The following TRPS1 variants were observed in gnomAD, a reference collection of about 807,000 sequenced individuals.
The protein encoded by TRPS1 is zinc finger transcription factor Trps1.
Under a neutral mutation model 101.2 loss-of-function variants are expected in TRPS1, and 6 were observed. The observed-to-expected ratio is 0.06, with a 90% CI of 0.03 to 0.12. TRPS1 has a LOEUF of 0.12. Ranked by LOEUF, TRPS1 falls within the 10% of genes least tolerant of loss-of-function variation. TRPS1 has a pLI of 1.00. For missense variants in TRPS1, 1,363 were observed against 1,567.0 expected (o/e 0.87, Z 2.20); for synonymous variants, 578 against 589.8 (o/e 0.98, Z 0.29).
In TRPS1 at chr8:115,418,870, A is replaced by T. The variant is rs1167109981; in HGVS notation, c.2701-418T>A. ...AGCTTTAAAATATAGTCAAGTTTGG[A>T]ATAAATGTAAATCATTTAAAATTAA... On this transcript the variant is annotated intron_variant, in intron 5 of 6. Coordinates refer to ENST00000395715, the MANE Select transcript of TRPS1 (RefSeq NM_014112.5). This position sits in a 1 kb window ranked among gnomAD's most constrained non-coding sequence, Gnocchi z 4.3. Among the ~76,000 whole-genome samples, 3 of 152,230 alleles carry T rather than the reference A, an allele frequency of 2.0e-5. No homozygotes were observed. The highest frequency in any genetic ancestry group is 6.5e-5 in the Admixed American group (1 of 15,286).
intron 4 of TRPS1, among the ~76,000 whole-genome samples, chr8:115,599,148 CT>C (rs1817852810): frequency 6.6e-6 from 1 of 152,046 alleles, no homozygotes; most frequent in African/African-American, 2.4e-5. Flanking sequence ...TACTAAATGT[CT>C]TTGATATTTT....
At chr8:115,666,600 C>G (rs923948191) in intron 1 of TRPS1, among the ~76,000 whole-genome samples, 4 of 152,164 alleles carry the variant, frequency 2.6e-5, no homozygotes, top group Admixed American at 6.5e-5. Flanking sequence ...CCTCTGCTGT[C>G]CCTTGCATTT....
At position 115,585,894 on chromosome 8, in the gene TRPS1, G is replaced by C. The variant is rs375707869; in HGVS notation, c.2700+1107C>G. Among the ~76,000 whole-genome samples the C allele has an allele frequency of 1.5e-3, 232 of 152,232 alleles. 9 individuals carry two copies. In the South Asian group the frequency reaches 0.044, roughly 29 times the overall value. Reference sequence around the variant, plus strand: ...TATAATTAACTGTGCACCTCTAAGGGGCGTTTTTCAACTCCGCTAGAGAAT... The same window carrying C: ...TATAATTAACTGTGCACCTCTAAGGCGCGTTTTTCAACTCCGCTAGAGAAT... On this transcript the variant is annotated intron_variant, in intron 5 of 6. Coordinates refer to ENST00000395715, the MANE Select transcript of TRPS1 (RefSeq NM_014112.5).
chr8:115,667,990 G>A, intron 1 of TRPS1: 1 of 1,252,948 alleles, frequency 8.0e-7, no homozygotes, highest in Non-Finnish European at 1.1e-6. Flanking sequence ...CCTCCGCTGC[G>A]CCCGGTAGGA....
At chr8:115,583,012 CTTCCGTAT>C (rs1817486129) in intron 5 of TRPS1, among the ~76,000 whole-genome samples, 1 of 152,128 alleles carries the variant, frequency 6.6e-6, no homozygotes, top group Non-Finnish European at 1.5e-5. Context: ...CTTAACTGTA[CTTCCGTAT>C]TTTATTAACA....
At chr8:115,485,355 C>T (rs1009144913) in intron 5 of TRPS1, among the ~76,000 whole-genome samples, 1 of 152,316 alleles carries the variant, frequency 6.6e-6, no homozygotes, top group Admixed American at 6.5e-5. Flanking sequence ...CAGATGAGAA[C>T]CACGGCCCAG....
intron 5 of TRPS1, among the ~76,000 whole-genome samples, chr8:115,463,805 G>A (rs1269636728): frequency 6.6e-6 from 1 of 151,826 alleles, no homozygotes; most frequent in East Asian, 1.9e-4. Context: ...ATTTCAGAGG[G>A]CACACCTTTC....
At chr8:115,509,257 A>G (rs920670925) in intron 5 of TRPS1, among the ~76,000 whole-genome samples, 23 of 152,086 alleles carry the variant, frequency 1.5e-4, no homozygotes, top group African/African-American at 3.4e-4. Context: ...GACCTATTCC[A>G]GGCAAAGCTG....
At chr8:115,428,594 A>C (rs533915906) in intron 5 of TRPS1, among the ~76,000 whole-genome samples, 1 of 152,240 alleles carries the variant, frequency 6.6e-6, no homozygotes, top group Non-Finnish European at 1.5e-5. Flanking sequence ...AAAAGAGTTA[A>C]TGACAAACTA....
intron 5 of TRPS1, among the ~76,000 whole-genome samples, chr8:115,482,389 ATAAG>A (rs1182147357): frequency 3.3e-5 from 5 of 152,054 alleles, no homozygotes; most frequent in Non-Finnish European, 5.9e-5. Flanking sequence ...TCTTACAGTT[ATAAG>A]TAAGTAAATT....
chr8:115,624,987 C>T (rs1818474261), intron 1 of TRPS1, among the ~76,000 whole-genome samples: 1 of 151,640 alleles, frequency 6.6e-6, no homozygotes, highest in African/African-American at 2.4e-5. Context: ...CATTTAATGA[C>T]ATATTTACTC....
chr8:115,424,072 T>C (rs1437469026), intron 5 of TRPS1, among the ~76,000 whole-genome samples: 7 of 152,218 alleles, frequency 4.6e-5, no homozygotes, highest in Admixed American at 2.6e-4. Context: ...GAAGAAATGA[T>C]CTTTTACAAT....
At chr8:115,589,617 A>T (rs1250783820) in intron 4 of TRPS1, among the ~76,000 whole-genome samples, 1 of 152,258 alleles carries the variant, frequency 6.6e-6, no homozygotes, top group African/African-American at 2.4e-5. Context: ...TGACCATAAA[A>T]GCACAATAGT....
At chr8:115,500,747 T>C (rs996861061) in intron 5 of TRPS1, among the ~76,000 whole-genome samples, 6 of 151,880 alleles carry the variant, frequency 4.0e-5, no homozygotes, top group Admixed American at 2.0e-4. Context: ...TTTTTTTGTG[T>C]GTGTTTTTAG....
At chr8:115,472,010 G>T (rs1162629172) in intron 5 of TRPS1, among the ~76,000 whole-genome samples, 1 of 152,182 alleles carries the variant, frequency 6.6e-6, no homozygotes, top group Admixed American at 6.5e-5. Flanking sequence ...CTAGGCAACT[G>T]GTGCAAGCTG....
intron 5 of TRPS1, among the ~76,000 whole-genome samples, chr8:115,460,432 A>G (rs1391841774): frequency 6.6e-6 from 1 of 152,164 alleles, no homozygotes; most frequent in Non-Finnish European, 1.5e-5. Flanking sequence ...GAGTTAAAAC[A>G]AAAAATCAGG....
intron 4 of TRPS1, among the ~76,000 whole-genome samples, chr8:115,594,817 A>C (rs1817752127): frequency 6.6e-6 from 1 of 151,818 alleles, no homozygotes; most frequent in African/African-American, 2.4e-5. Flanking sequence ...AAAAGATGCT[A>C]CTCCTTTACT....
intron 5 of TRPS1, among the ~76,000 whole-genome samples, chr8:115,575,032 T>C (rs536498568): frequency 6.6e-6 from 1 of 152,270 alleles, no homozygotes; most frequent in African/African-American, 2.4e-5. Flanking sequence ...ATACATGATC[T>C]GGTAAAGTGA....
intron 5 of TRPS1, among the ~76,000 whole-genome samples, chr8:115,502,332 T>C (rs796377153): frequency 1.3e-5 from 2 of 152,150 alleles, no homozygotes; most frequent in South Asian, 2.1e-4. Flanking sequence ...CCTTGAATAC[T>C]TGAGCCCTAA....
Sources: gnomAD v4.1 joint callset for allele counts (sites outside exome capture counted in the v4.1 genomes callset) on GRCh38, gnomAD v4.1.1 for gene constraint, Gnocchi (gnomAD v3.1) non-coding constraint, MANE v1.5 for transcripts, NCBI Gene and HGNC (gene_info 2026-07-23, HGNC 2026-07-21) for gene names.